IL1RAPL2: variants seen among roughly 807,000 people sequenced by gnomAD.
The protein encoded by IL1RAPL2 is interleukin 1 receptor accessory protein like 2, also known as X-linked interleukin-1 receptor accessory protein-like 2.
In IL1RAPL2, 3 loss-of-function variants were observed where a neutral mutation model predicts 44.1. The observed-to-expected ratio is 0.07, with a 90% confidence interval of 0.03 to 0.18. The LOEUF (loss-of-function observed/expected upper bound fraction) is 0.18. Among genes scored for constraint, IL1RAPL2 ranks in the 10% least tolerant of loss-of-function variants. IL1RAPL2 has a pLI of 1.00. For synonymous variants in IL1RAPL2, 181 were observed against 178.8 expected, an observed-to-expected ratio of 1.01 and a Z score of -0.10; for missense variants, 391 against 496.4, an observed-to-expected ratio of 0.79 and a Z score of 2.02.
At chrX:105,331,029 A>G (rs767791075) in intron 5 of IL1RAPL2, among the ~76,000 whole-genome samples, 1 of 111,907 alleles carries the variant, frequency 8.9e-6, no homozygotes, top group East Asian at 2.8e-4. Flanking sequence ...TAAATAAATT[A>G]ATGTATATAA....
At chrX:105,641,139 A>G (rs1336124751) in intron 6 of IL1RAPL2, among the ~76,000 whole-genome samples, 1 of 111,618 alleles carries the variant, frequency 9.0e-6, no homozygotes, top group African/African-American at 3.3e-5. Context: ...GCCATTGGGA[A>G]AATAGATTTT....
chrX:105,142,601 T>C (rs928595779), intron 2 of IL1RAPL2, among the ~76,000 whole-genome samples: 2 of 110,545 alleles, frequency 1.8e-5, no homozygotes, highest in Non-Finnish European at 3.8e-5. Flanking sequence ...TGTGACATTT[T>C]TTTTTTTAGC....
At chrX:105,270,077 T>C (rs2034435428) in intron 5 of IL1RAPL2, among the ~76,000 whole-genome samples, 2 of 111,905 alleles carry the variant, frequency 1.8e-5, no homozygotes, top group Non-Finnish European at 3.8e-5. Context: ...GGGACCCAGA[T>C]AGGATGAAGA....
rs778622407 is a variant in IL1RAPL2 at position 105,397,139 on chromosome X, C to T, written c.698-87174C>T. ...CATCACCCCCAGATGGGACCATCTA[C>T]TTGCAGGAAAATAAGCTCAGGGATT... On this transcript the variant is annotated intron_variant, in intron 5 of 10. Transcript: ENST00000372582. Among the ~76,000 whole-genome samples the T allele has an allele frequency of 2.7e-5, 3 of 111,267 alleles. No homozygotes were observed. The South Asian group carries it at 1.1e-3, about 43-fold the overall frequency.
At chrX:104,855,357 A>G (rs1569327454) in intron 2 of IL1RAPL2, among the ~76,000 whole-genome samples, 1 of 111,265 alleles carries the variant, frequency 9.0e-6, no homozygotes, top group Non-Finnish European at 1.9e-5. Flanking sequence ...GATCAAGAAC[A>G]TGGAATCTAA....
intron 4 of IL1RAPL2, among the ~76,000 whole-genome samples, chrX:105,234,351 A>G (rs2034100608): frequency 8.9e-6 from 1 of 112,327 alleles, no homozygotes; most frequent in African/African-American, 3.2e-5. Flanking sequence ...AAGGCCTGCC[A>G]TTACAAGTAG....
chrX:105,488,016 C>T (rs1456259314), intron 6 of IL1RAPL2, among the ~76,000 whole-genome samples: 1 of 112,103 alleles, frequency 8.9e-6, no homozygotes, highest in African/African-American at 3.2e-5. Flanking sequence ...CCAAGAAATA[C>T]GAAAATCCAA....
chrX:104,854,494 A>T (rs1270648011), intron 2 of IL1RAPL2, among the ~76,000 whole-genome samples: 1 of 111,888 alleles, frequency 8.9e-6, no homozygotes, highest in Non-Finnish European at 1.9e-5. Context: ...GAAAGCATTC[A>T]GAGAAATGTT....
intron 2 of IL1RAPL2, among the ~76,000 whole-genome samples, chrX:104,905,728 C>G (rs1016625469): frequency 9.0e-6 from 1 of 111,200 alleles, no homozygotes; most frequent in African/African-American, 3.3e-5. Context: ...AGTTTGAAGT[C>G]AGGTAGTGTG....
In IL1RAPL2 at chrX:104,825,666, G is replaced by T. The variant is rs755196849; in HGVS notation, c.82+166671G>T. ...AAGTCATTCAATAAACATAACTGGT[G>T]AAGTGGAGGTCATATTCGTTAGTTT... On this transcript the variant is annotated intron_variant, in intron 2 of 10. Coordinates refer to ENST00000372582, the MANE Select transcript of IL1RAPL2 (RefSeq NM_017416.2). Among the ~76,000 whole-genome samples, 482 of 112,170 alleles carry T rather than the reference G, an allele frequency of 4.3e-3. 2 individuals carry two copies. Among genetic ancestry groups the T allele is most frequent in the African/African-American group, 0.015 (456 of 30,921 alleles).
chrX:104,608,662 C>CTTTTTTTTTTTTTTTT (rs60105376), intron 1 of IL1RAPL2, among the ~76,000 whole-genome samples: 11 of 58,528 alleles, frequency 1.9e-4, no homozygotes, highest in Admixed American at 4.2e-4. Context: ...GCAACCCCTG[C>CTTTTTTTTTTTTTTTT]TTTTTTTTTT....
intron 2 of IL1RAPL2, among the ~76,000 whole-genome samples, chrX:104,660,855 A>T (rs1176560245): frequency 9.3e-6 from 1 of 107,649 alleles, no homozygotes; most frequent in Non-Finnish European, 1.9e-5. Flanking sequence ...GTATGGCTTC[A>T]GCCTGTGAAG....
chrX:105,309,731 C>A (rs865947921), intron 5 of IL1RAPL2, among the ~76,000 whole-genome samples: 180 of 94,477 alleles, frequency 1.9e-3, no homozygotes, highest in Non-Finnish European at 1.8e-3. Context: ...GACTCTGTCT[C>A]AAAAAAAAAA....
chrX:105,398,761 C>T (rs1395342560), intron 5 of IL1RAPL2, among the ~76,000 whole-genome samples: 2 of 111,505 alleles, frequency 1.8e-5, no homozygotes, highest in Admixed American at 1.9e-4. Context: ...ATTTCCTTTT[C>T]AGTGCCTTTC....
At chrX:105,535,535 C>T (rs760689575) in intron 6 of IL1RAPL2, among the ~76,000 whole-genome samples, 2 of 111,610 alleles carry the variant, frequency 1.8e-5, no homozygotes, top group Non-Finnish European at 3.8e-5. Context: ...TCATAATCTC[C>T]GAAAACTGGA....
chrX:104,841,434 T>C (rs184835859), intron 2 of IL1RAPL2, among the ~76,000 whole-genome samples: 2 of 112,304 alleles, frequency 1.8e-5, no homozygotes, highest in East Asian at 5.6e-4. Context: ...GTCATCATGA[T>C]GCTAGCTGGT....
At chrX:104,641,374 A>T (rs1385880405) in intron 1 of IL1RAPL2, among the ~76,000 whole-genome samples, 1 of 110,862 alleles carries the variant, frequency 9.0e-6, no homozygotes, top group African/African-American at 3.3e-5. Flanking sequence ...TAATGGTGAG[A>T]GATGGTACCA....
rs113568521 is a variant in IL1RAPL2, at chrX:105,126,873, T to C, written c.83-68602T>C. ...GCAACATACCAGATATTCAGTATTC[T>C]TCCCAAGTTGATTGGGCATTGCTTC... On this transcript the variant is annotated intron_variant, in intron 2 of 10. Transcript: ENST00000372582. Among the ~76,000 whole-genome samples the C allele has an allele frequency of 9.8e-4, 109 of 111,242 alleles. 1 individual carries two copies. Among genetic ancestry groups the C allele is most frequent in the African/African-American group, 3.4e-3 (106 of 30,805 alleles).
At chrX:104,922,311 C>A (rs1924666356) in intron 2 of IL1RAPL2, among the ~76,000 whole-genome samples, 2 of 113,296 alleles carry the variant, frequency 1.8e-5, no homozygotes, top group Admixed American at 1.8e-4. Flanking sequence ...CCCATCACAA[C>A]TGCAAATATC....
Sources: gnomAD v4.1 joint callset for allele counts (sites outside exome capture counted in the v4.1 genomes callset) on GRCh38, gnomAD v4.1.1 for gene constraint, MANE v1.5 for transcripts, NCBI Gene and HGNC (gene_info 2026-07-23, HGNC 2026-07-21) for gene names.